TPST2: variants seen among roughly 807,000 people sequenced by gnomAD.
The protein encoded by TPST2 is tyrosylprotein sulfotransferase 2, also known as protein-tyrosine sulfotransferase 2.
TPST2 carries 16 observed loss-of-function variants against 27.8 expected under a neutral mutation model. The observed-to-expected ratio is 0.58, with a 90% CI of 0.39 to 0.88. The LOEUF (loss-of-function observed/expected upper bound fraction) is 0.88. TPST2 is among the 40% of genes least tolerant of loss of function. TPST2 has a pLI of 0.00. For missense variants in TPST2, 464 were observed against 543.1 expected (o/e 0.85, Z 1.45); for synonymous variants, 229 against 231.7 (o/e 0.99, Z 0.10).
At chr22:26,538,717 G>A (rs1280576055) in intron 3 of TPST2, among the ~76,000 whole-genome samples, 1 of 152,236 alleles carries the variant, frequency 6.6e-6, no homozygotes, top group Admixed American at 6.5e-5. Flanking sequence ...AGCTATTTGG[G>A]AGGCTGAGGC....
chr22:26,546,450 C>T (rs966643085), intron 1 of TPST2, among the ~76,000 whole-genome samples: 6 of 152,252 alleles, frequency 3.9e-5, no homozygotes, highest in Non-Finnish European at 7.3e-5. Context: ...CAGGATGGCT[C>T]GCCCAGCTGC....
At chr22:26,578,755 C>T (rs1043881664) in intron 1 of TPST2, among the ~76,000 whole-genome samples, 5 of 152,146 alleles carry the variant, frequency 3.3e-5, no homozygotes, top group Admixed American at 2.0e-4. Flanking sequence ...CCCATTATTT[C>T]CAAGCTATTT....
intron 1 of TPST2, among the ~76,000 whole-genome samples, chr22:26,567,100 G>A (rs1472893121): frequency 2.0e-5 from 3 of 152,142 alleles, no homozygotes; most frequent in Non-Finnish European, 2.9e-5. Context: ...GGTCTATTGC[G>A]GGGTAAGAGG....
At chr22:26,562,626 TTTC>T (rs1217998461) in intron 1 of TPST2, among the ~76,000 whole-genome samples, 7 of 128,012 alleles carry the variant, frequency 5.5e-5, no homozygotes, top group African/African-American at 1.9e-4. Context: ...TTTCTTTTCT[TTTC>T]TTTTTTTTTT....
chr22:26,589,716 G>A (rs918219978), intron 1 of TPST2, among the ~76,000 whole-genome samples: 1 of 152,124 alleles, frequency 6.6e-6, no homozygotes, highest in Admixed American at 6.5e-5. Flanking sequence ...GGGACGCGCC[G>A]CCCTCCCCCC....
intron 4 of TPST2, chr22:26,535,991 T>C: frequency 2.1e-6 from 1 of 485,050 alleles, no homozygotes; most frequent in Non-Finnish European, 4.0e-6. Flanking sequence ...GCCAGGGAAA[T>C]AGGGGTAAAA....
At chr22:26,548,461 A>G (rs944412916) in intron 1 of TPST2, among the ~76,000 whole-genome samples, 3 of 151,866 alleles carry the variant, frequency 2.0e-5, no homozygotes, top group African/African-American at 7.3e-5. Flanking sequence ...AGGTAAGGAA[A>G]GGAGAAAGAA....
intron 1 of TPST2, chr22:26,555,115 A>G (rs1926718035): frequency 3.8e-6 from 2 of 526,290 alleles, no homozygotes; most frequent in Non-Finnish European, 7.7e-6. Flanking sequence ...GGCAAGGTGG[A>G]GCTGAGGGAA....
chr22:26,546,318 C>G (rs758775198), intron 1 of TPST2, among the ~76,000 whole-genome samples: 1 of 152,180 alleles, frequency 6.6e-6, no homozygotes, highest in African/African-American at 2.4e-5. Flanking sequence ...GCAGGCCACC[C>G]CCAAACTATA....
At chr22:26,560,991 G>A in intron 1 of TPST2, 5 of 1,609,102 alleles carry the variant, frequency 3.1e-6, no homozygotes, top group East Asian at 2.2e-5. Flanking sequence ...GGAAAAATAC[G>A]AAAAGGATAT....
intron 1 of TPST2, among the ~76,000 whole-genome samples, chr22:26,582,320 G>C (rs1928147083): frequency 6.6e-6 from 1 of 152,132 alleles, no homozygotes; most frequent in Non-Finnish European, 1.5e-5. Context: ...CCAGCTACTT[G>C]GGAGGCTGGG....
intron 1 of TPST2, among the ~76,000 whole-genome samples, chr22:26,581,046 A>G (rs950216777): frequency 3.5e-3 from 204 of 57,842 alleles, no homozygotes; most frequent in African/African-American, 9.3e-3. Flanking sequence ...ACACACACAC[A>G]CACACACGCA....
chr22:26,565,946 T>C (rs1250560524), intron 1 of TPST2, among the ~76,000 whole-genome samples: 1 of 152,204 alleles, frequency 6.6e-6, no homozygotes, highest in Non-Finnish European at 1.5e-5. Flanking sequence ...ACAAAGTATA[T>C]CCACACACCC....
intron 1 of TPST2, among the ~76,000 whole-genome samples, chr22:26,581,053 C>T (rs1457584328): frequency 7.6e-5 from 5 of 66,182 alleles, no homozygotes; most frequent in African/African-American, 1.3e-4. Flanking sequence ...CACACACACA[C>T]GCACACACAC....
At position 26,577,705 on chromosome 22, in the gene TPST2, C is replaced by T. The variant is rs1233324149; in HGVS notation, c.-161+12348G>A. Among the ~76,000 whole-genome samples the T allele has an allele frequency of 2.9e-5, 4 of 139,164 alleles. No individual in the cohort carries two copies. The East Asian group carries it at 9.0e-4, about 31-fold the overall frequency. 91.3% of individuals were successfully genotyped at this position (139,164 alleles called of 152,430 possible). ...AGTCTCACTCTGTCTGCCACCCAGG[C>T]TGGAATGCAGTGGCACAAGCTCGGC... On this transcript the variant is annotated intron_variant, in intron 1 of 6. Coordinates refer to ENST00000338754, the MANE Select transcript of TPST2 (RefSeq NM_003595.5).
At chr22:26,580,823 G>C (rs1928072529) in intron 1 of TPST2, among the ~76,000 whole-genome samples, 1 of 152,100 alleles carries the variant, frequency 6.6e-6, no homozygotes, top group Admixed American at 6.5e-5. Flanking sequence ...CCTAATGGAG[G>C]CTTTCTCCGG....
Position 26,528,257 on chromosome 22 carries a change from G to A in TPST2, c.1098C>T (p.Asn366=). The A allele has an allele frequency of 6.4e-7, 1 of 1,562,860 alleles. No homozygotes were observed. Among genetic ancestry groups the A allele is most frequent in the Non-Finnish European group, 8.7e-7 (1 of 1,151,860 alleles). ...CTAAGTGGGAGGAGGTGCTGTTCTGGTTCACCTGGAGAAAGACAATACACA... is the reference window on the plus strand; with the variant it reads ...CTAAGTGGGAGGAGGTGCTGTTCTGATTCACCTGGAGAAAGACAATACACA... The part of the protein sequence containing the change: ...PANLKGYFQV[N]QNSTSSHLGS... Residue 366 remains asparagine, a synonymous_variant, in exon 6 of 7, where the codon AAC becomes AAT. Coordinates refer to ENST00000338754, the MANE Select transcript of TPST2 (RefSeq NM_003595.5).
At chr22:26,546,919 A>G (rs1926154626) in intron 1 of TPST2, among the ~76,000 whole-genome samples, 1 of 152,200 alleles carries the variant, frequency 6.6e-6, no homozygotes, top group African/African-American at 2.4e-5. Flanking sequence ...AGCAATGGCA[A>G]TAGAAACCAC....
chr22:26,543,939 G>A (rs969500277), intron 2 of TPST2, among the ~76,000 whole-genome samples: 1 of 152,202 alleles, frequency 6.6e-6, no homozygotes, highest in Admixed American at 6.5e-5. Flanking sequence ...TGTGGAAGGA[G>A]CTAGAGGGCC....
Sources: allele counts gnomAD v4.1 joint callset (sites outside exome capture counted in the v4.1 genomes callset), GRCh38; gene constraint gnomAD v4.1.1; transcripts MANE v1.5; gene names NCBI Gene and HGNC (gene_info 2026-07-23, HGNC 2026-07-21).